The following PARD3 variants were observed in gnomAD, a reference collection of about 807,000 sequenced individuals.
The protein encoded by PARD3 is par-3 family cell polarity regulator.
In PARD3, 75 loss-of-function variants were observed where a neutral mutation model predicts 155.4. That is an observed-to-expected ratio of 0.48 (90% CI 0.40 to 0.58). PARD3 has a LOEUF of 0.58. Among genes scored for constraint, PARD3 ranks in the 20% least tolerant of loss-of-function variants. The probability of loss-of-function intolerance (pLI) is 0.00; values close to 1 mark genes in which losing one functional copy is unlikely to be tolerated. For synonymous variants in PARD3, 576 were observed against 610.5 expected, an observed-to-expected ratio of 0.94 and a Z score of 0.83; for missense variants, 1,642 against 1,721.7, an observed-to-expected ratio of 0.95 and a Z score of 0.82.
chr10:34,461,420 C>T (rs1343357687), intron 4 of PARD3, among the ~76,000 whole-genome samples: 1 of 152,124 alleles, frequency 6.6e-6, no homozygotes, highest in African/African-American at 2.4e-5. Context: ...GCCTGGCCAA[C>T]ACGGTGAAAC....
chr10:34,563,436 G>A (rs1021991125), intron 2 of PARD3, among the ~76,000 whole-genome samples: 2 of 151,892 alleles, frequency 1.3e-5, no homozygotes, highest in African/African-American at 2.4e-5. Flanking sequence ...GCACGATCTC[G>A]GCTCACTGCA....
At chr10:34,607,706 T>C (rs2090580003) in intron 2 of PARD3, among the ~76,000 whole-genome samples, 1 of 152,182 alleles carries the variant, frequency 6.6e-6, no homozygotes, top group African/African-American at 2.4e-5. Context: ...GAGCTCAGTC[T>C]GCAGTCTGTG....
chr10:34,116,286 G>A (rs1166807938), intron 24 of PARD3, among the ~76,000 whole-genome samples: 3 of 152,156 alleles, frequency 2.0e-5, no homozygotes, highest in Non-Finnish European at 4.4e-5. Flanking sequence ...ACAAAGCCCA[G>A]ACCATTTGTT....
chr10:34,617,849 C>G (rs1170489833), intron 2 of PARD3, among the ~76,000 whole-genome samples: 1 of 152,032 alleles, frequency 6.6e-6, no homozygotes, highest in African/African-American at 2.4e-5. Flanking sequence ...CTAGAGAGAT[C>G]AAAATTATAC....
At position 34,777,138 on chromosome 10, in the gene PARD3, A is replaced by G. The variant is rs139496329; in HGVS notation, c.120+37738T>C. 3.2e-3 allele frequency among the ~76,000 whole-genome samples: 485 copies of G among 151,228 alleles called. 2 individuals are homozygous for G. Among genetic ancestry groups the G allele is most frequent in the African/African-American group, 0.011 (451 of 41,148 alleles). ...AGTGCTGGGACTACAGGCGTGAGCCACCATGCCTGGCCTTCAGTAGTCTTA... is the reference window on the plus strand; with the variant it reads ...AGTGCTGGGACTACAGGCGTGAGCCGCCATGCCTGGCCTTCAGTAGTCTTA... On this transcript the variant is annotated intron_variant, in intron 1 of 24. Transcript: ENST00000374788.
At chr10:34,213,104 G>C (rs781096712) in intron 22 of PARD3, among the ~76,000 whole-genome samples, 6 of 152,148 alleles carry the variant, frequency 3.9e-5, no homozygotes, top group Non-Finnish European at 8.8e-5. Flanking sequence ...AATTTACAAA[G>C]AAAAGAGTTT....
At chr10:34,489,741 G>A (rs2079760073) in intron 3 of PARD3, among the ~76,000 whole-genome samples, 1 of 152,190 alleles carries the variant, frequency 6.6e-6, no homozygotes, top group Non-Finnish European at 1.5e-5. Flanking sequence ...TTTATAATGA[G>A]CCAATTAAGT....
At chr10:34,205,522 T>C (rs1438381264) in intron 22 of PARD3, among the ~76,000 whole-genome samples, 1 of 152,114 alleles carries the variant, frequency 6.6e-6, no homozygotes, top group Admixed American at 6.6e-5. Context: ...CCACAAACCT[T>C]AATCCTGTAT....
At chr10:34,679,282 CAACTGCACCAAATTAA>C (rs2093767497) in intron 2 of PARD3, among the ~76,000 whole-genome samples, 1 of 152,174 alleles carries the variant, frequency 6.6e-6, no homozygotes, top group Non-Finnish European at 1.5e-5. Flanking sequence ...AGCTACGCCT[CAACTGCACCAAATTAA>C]AACTGCACCA....
At chr10:34,516,118 C>A (rs1419692513) in intron 3 of PARD3, among the ~76,000 whole-genome samples, 1 of 152,088 alleles carries the variant, frequency 6.6e-6, no homozygotes, top group African/African-American at 2.4e-5. Flanking sequence ...GCAACCGCCA[C>A]CACGCCTGGC....
At chr10:34,163,772 G>A (rs183370546) in intron 22 of PARD3, among the ~76,000 whole-genome samples, 6 of 152,256 alleles carry the variant, frequency 3.9e-5, no homozygotes, top group Admixed American at 2.6e-4. Flanking sequence ...GCACCGTTAC[G>A]GGGGAACTGC....
chr10:34,316,706 C>CA (rs1958028004), intron 20 of PARD3, among the ~76,000 whole-genome samples: 1 of 152,178 alleles, frequency 6.6e-6, no homozygotes, highest in African/African-American at 2.4e-5. Context: ...AAGATACAGA[C>CA]ATGTCCCTCC....
Position 34,359,259 on chromosome 10 carries a change from C to T in PARD3, c.1955G>A (p.Gly652Asp), listed in dbSNP as rs1839207400. Reference sequence around the variant, plus strand: ...TTCCATGGCATCTTGGTTTGTCTTGCCCAACAGGGATTCTCCATTTACTGC... The same window carrying T: ...TTCCATGGCATCTTGGTTTGTCTTGTCCAACAGGGATTCTCCATTTACTGC... ...LIAVNGESLL[G>D]KTNQDAMETL... The change falls in exon 14 of 25, where the codon GGC (glycine) becomes GAC (aspartate). Residue 652 changes from glycine (G) to aspartate (D), a missense_variant. This residue lies in a region of PARD3 where 1,529 missense variants were observed against 1,587.3 expected (regional missense o/e 0.96). Transcript: ENST00000374788. The T allele has an allele frequency of 6.2e-7, 1 of 1,613,702 alleles. No individual in the cohort carries two copies. The highest frequency in any genetic ancestry group is 1.3e-5 in the African/African-American group (1 of 74,878).
chr10:34,442,558 C>T (rs1288828110), intron 5 of PARD3, among the ~76,000 whole-genome samples: 1 of 152,074 alleles, frequency 6.6e-6, no homozygotes, highest in African/African-American at 2.4e-5. Context: ...AAAGGCCTCA[C>T]ATTCGTTAAA....
intron 23 of PARD3, among the ~76,000 whole-genome samples, chr10:34,128,292 TCCTCCTCC>T (rs970235616): frequency 4.9e-4 from 74 of 152,292 alleles, no homozygotes; most frequent in Middle Eastern, 6.8e-3. Flanking sequence ...TACTCCTTTC[TCCTCCTCC>T]CCTGCCTATT....
At position 34,786,763 on chromosome 10, in the gene PARD3, T is replaced by C. The variant is rs116054283; in HGVS notation, c.120+28113A>G. ...TCCACTCCTGACACTTACTGCTTAC[T>C]AGGGGCCTTTTAAAAACTGAAAAAT... On this transcript the variant is annotated intron_variant, in intron 1 of 24. Coordinates refer to ENST00000374788, the MANE Select transcript of PARD3 (RefSeq NM_001184785.2). Among the ~76,000 whole-genome samples, 619 of 152,348 alleles carry C rather than the reference T, an allele frequency of 4.1e-3. 5 individuals carry two copies. The highest frequency in any genetic ancestry group is 0.014 in the African/African-American group (596 of 41,588).
chr10:34,753,469 C>T (rs1036035795), intron 1 of PARD3, among the ~76,000 whole-genome samples: 12 of 152,226 alleles, frequency 7.9e-5, no homozygotes, highest in African/African-American at 2.9e-4. Flanking sequence ...TTTAACATGG[C>T]AAAGGCCCAC....
At chr10:34,718,349 A>C (rs765516100) in intron 1 of PARD3, among the ~76,000 whole-genome samples, 1 of 151,978 alleles carries the variant, frequency 6.6e-6, no homozygotes, top group Non-Finnish European at 1.5e-5. Flanking sequence ...CTTAGGACAA[A>C]GGTGAGGAGG....
At chr10:34,448,134 CGTGTGTGTGTGT>C (rs35325584) in intron 5 of PARD3, among the ~76,000 whole-genome samples, 1 of 147,042 alleles carries the variant, frequency 6.8e-6, no homozygotes. Flanking sequence ...ATATACACTG[CGTGTGTGTGTGT>C]GTGTGTGTGT....
Sources: gnomAD v4.1 joint callset for allele counts (sites outside exome capture counted in the v4.1 genomes callset) on GRCh38, gnomAD v4.1.1 for gene constraint, gnomAD v4.1.1 regional missense constraint, MANE v1.5 for transcripts, NCBI Gene and HGNC (gene_info 2026-07-23, HGNC 2026-07-21) for gene names.